PCDH9: variants seen among roughly 807,000 people sequenced by gnomAD.
PCDH9 encodes protocadherin-9.
PCDH9 carries 24 observed loss-of-function variants against 70.6 expected under a neutral mutation model. The observed-to-expected ratio is 0.34, with a 90% confidence interval of 0.25 to 0.48. The LOEUF is 0.48. PCDH9 is among the 20% of genes least tolerant of loss of function. The probability of loss-of-function intolerance (pLI) is 0.99; values close to 1 mark genes in which losing one functional copy is unlikely to be tolerated. For synonymous variants in PCDH9, 562 were observed against 558.5 expected (o/e 1.01, Z -0.09); for missense variants, 1,281 against 1,503.6 (o/e 0.85, Z 2.45).
chr13:66,450,894 G>A (rs1958194289), intron 4 of PCDH9, among the ~76,000 whole-genome samples: 1 of 152,152 alleles, frequency 6.6e-6, no homozygotes, highest in Admixed American at 6.5e-5. Flanking sequence ...GGCGGCCCCT[G>A]TAGTCCCAGC....
intron 3 of PCDH9, among the ~76,000 whole-genome samples, chr13:66,850,409 C>T (rs776690478): frequency 1.2e-4 from 18 of 151,990 alleles, no homozygotes; most frequent in Non-Finnish European, 2.6e-4. Context: ...ATCCCATCTA[C>T]TCAGGAGGCT....
Position 66,304,518 on chromosome 13 carries a change from C to T in PCDH9, c.*137G>A, listed in dbSNP as rs1955427149. The T allele has an allele frequency of 1.5e-6, 1 of 687,014 alleles. No homozygotes were observed. Among genetic ancestry groups the T allele is most frequent in the Non-Finnish European group, 2.5e-6 (1 of 397,594 alleles). 42.6% of individuals were successfully genotyped at this position (687,014 alleles called of 1,614,324 possible). On this transcript the variant is annotated 3_prime_UTR_variant, in exon 5 of 5. Coordinates refer to ENST00000377865, the MANE Select transcript of PCDH9 (RefSeq NM_203487.3). ...ATATGTTGCAAAAACATTGTATTCTCCATGGTGCTAACACAAAGTTATAGG... is the reference window on the plus strand; with the variant it reads ...ATATGTTGCAAAAACATTGTATTCTTCATGGTGCTAACACAAAGTTATAGG...
chr13:66,859,151 A>G (rs184232816), intron 3 of PCDH9: 34 of 152,302 alleles, frequency 2.2e-4, no homozygotes, highest in African/African-American at 8.2e-4. Flanking sequence ...AGAACAACAA[A>G]TGGCTGTCAT....
intron 4 of PCDH9, among the ~76,000 whole-genome samples, chr13:66,406,846 TAGATTCCTTCA>T (rs1445830860): frequency 6.6e-6 from 1 of 152,224 alleles, no homozygotes; most frequent in Non-Finnish European, 1.5e-5. Flanking sequence ...CAATAAGCTG[TAGATTCCTTCA>T]TCATGTTTTC....
intron 4 of PCDH9, among the ~76,000 whole-genome samples, chr13:66,463,166 T>A (rs968547154): frequency 2.6e-5 from 4 of 151,802 alleles, no homozygotes; most frequent in Non-Finnish European, 5.9e-5. Context: ...TCCTTAGGGA[T>A]ATATATGCCT....
At chr13:66,575,047 C>A (rs931003513) in intron 4 of PCDH9, among the ~76,000 whole-genome samples, 1 of 151,996 alleles carries the variant, frequency 6.6e-6, no homozygotes, top group African/African-American at 2.4e-5. Flanking sequence ...GTGGCACATG[C>A]CTCTAATCCC....
chr13:67,189,871 G>GA (rs902772945), intron 2 of PCDH9, among the ~76,000 whole-genome samples: 34 of 146,686 alleles, frequency 2.3e-4, no homozygotes, highest in Middle Eastern at 3.5e-3. Context: ...TTGTCTTCAA[G>GA]AAAAAAAAAA....
chr13:66,617,336 T>A (rs1244238744), intron 4 of PCDH9, among the ~76,000 whole-genome samples: 1 of 152,178 alleles, frequency 6.6e-6, no homozygotes, highest in Non-Finnish European at 1.5e-5. Context: ...GGATGCCTGC[T>A]ACTCTCTTTC....
chr13:66,844,740 G>C (rs1376711550), intron 3 of PCDH9, among the ~76,000 whole-genome samples: 1 of 152,038 alleles, frequency 6.6e-6, no homozygotes, highest in Non-Finnish European at 1.5e-5. Flanking sequence ...ACCTCATCCT[G>C]CCACATGTCC....
intron 2 of PCDH9, among the ~76,000 whole-genome samples, chr13:67,009,342 A>G (rs1405367677): frequency 1.3e-5 from 2 of 152,086 alleles, no homozygotes; most frequent in African/African-American, 4.8e-5. Context: ...ATCTCACTGT[A>G]CTTAGTGCAA....
chr13:67,070,987 T>C (rs77591977), intron 2 of PCDH9, among the ~76,000 whole-genome samples: 7,105 of 152,196 alleles, frequency 0.047, 321 homozygotes, highest in African/African-American at 0.12. Flanking sequence ...AAAATGCCAT[T>C]CTAGCAAATT....
intron 2 of PCDH9, among the ~76,000 whole-genome samples, chr13:67,183,340 G>T (rs2088665949): frequency 6.6e-6 from 1 of 152,064 alleles, no homozygotes; most frequent in Admixed American, 6.6e-5. Context: ...ATATATTTTT[G>T]AAAAAGTCTG....
chr13:67,229,006 C>G (rs1366865327), intron 1 of PCDH9, among the ~76,000 whole-genome samples: 9 of 152,192 alleles, frequency 5.9e-5, no homozygotes, highest in Non-Finnish European at 1.2e-4. Context: ...GTGTTTTCTT[C>G]TCTGCCCCAC....
intron 3 of PCDH9, among the ~76,000 whole-genome samples, chr13:66,712,918 A>G (rs533277332): frequency 1.3e-5 from 2 of 152,358 alleles, no homozygotes; most frequent in African/African-American, 4.8e-5. Context: ...AAGTGCTTGC[A>G]AACATGAAAA....
At chr13:67,191,997 C>A (rs1407429066) in intron 2 of PCDH9, among the ~76,000 whole-genome samples, 1 of 68,914 alleles carries the variant, frequency 1.5e-5, no homozygotes, top group Admixed American at 2.4e-4. Flanking sequence ...ACAATGATAC[C>A]TATTTCAGAA....
chr13:66,649,914 T>C, intron 3 of PCDH9, among the ~76,000 whole-genome samples: 1 of 151,518 alleles, frequency 6.6e-6, no homozygotes, highest in East Asian at 1.9e-4. Flanking sequence ...TATTTTACAA[T>C]AATGCATTAT....
intron 4 of PCDH9, among the ~76,000 whole-genome samples, chr13:66,489,864 G>A (rs1457750684): frequency 4.6e-5 from 7 of 152,162 alleles, no homozygotes; most frequent in African/African-American, 1.7e-4. Context: ...AAAATGTTCA[G>A]ACTTCATTGT....
At chr13:66,754,538 G>T (rs1195485791) in intron 3 of PCDH9, among the ~76,000 whole-genome samples, 1 of 152,080 alleles carries the variant, frequency 6.6e-6, no homozygotes, top group Non-Finnish European at 1.5e-5. Flanking sequence ...TCAAGAAACA[G>T]TTTATGAAGA....
chr13:67,055,756 C>T (rs2138109888), intron 2 of PCDH9, among the ~76,000 whole-genome samples: 1 of 152,232 alleles, frequency 6.6e-6, no homozygotes, highest in African/African-American at 2.4e-5. Context: ...GCTATAATCA[C>T]ATCACTGTAT....
Sources: gnomAD v4.1 joint callset for allele counts (sites outside exome capture counted in the v4.1 genomes callset) on GRCh38, gnomAD v4.1.1 for gene constraint, MANE v1.5 for transcripts, NCBI Gene and HGNC (gene_info 2026-07-23, HGNC 2026-07-21) for gene names.